LILRA2: variants seen among roughly 807,000 people sequenced by gnomAD.
The protein encoded by LILRA2 is leukocyte immunoglobulin like receptor A2.
In LILRA2, 45 loss-of-function variants were observed where a neutral mutation model predicts 47.9. The observed-to-expected ratio is 0.94, with a 90% CI of 0.74 to 1.20. The LOEUF is 1.20. LILRA2 is among the 50% of genes most tolerant of loss of function. LILRA2 has a pLI of 0.00. For synonymous variants in LILRA2, 279 were observed against 249.2 expected (o/e 1.12, Z -1.13); for missense variants, 651 against 598.2 (o/e 1.09, Z -0.92).
chr19:54,576,301 G>C (rs73936594), intron 6 of LILRA2, among the ~76,000 whole-genome samples, 192 bp downstream of exon 6: 447 of 137,330 alleles, frequency 3.3e-3, no homozygotes, highest in African/African-American at 0.012. Flanking sequence ...TCTCAGTAAA[G>C]AGCATGAAGG....
At chr19:54,583,777 G>A (rs2062714248) in intron 6 of LILRA2, among the ~76,000 whole-genome samples, 1 of 152,038 alleles carries the variant, frequency 6.6e-6, no homozygotes, top group Non-Finnish European at 1.5e-5. Context: ...TTACATTTAA[G>A]GTTAATACTG....
rs746164121 is a variant in LILRA2 at position 54,587,182 on chromosome 19, C to G, written c.1307-19C>G. 1.2e-6 allele frequency: 2 copies of G among 1,614,118 alleles called. No homozygotes were observed. Among genetic ancestry groups the G allele is most frequent in the Non-Finnish European group, 1.7e-6 (2 of 1,180,004 alleles). ...GGGTGATTCCGATCTGCCCTGACCT[C>G]TGTGACCTCTTTGTCCAGCATCCCT... On this transcript the variant is annotated intron_variant, in intron 7 of 7. Transcript: ENST00000391738.
At chr19:54,583,788 T>C (rs1342807986) in intron 6 of LILRA2, among the ~76,000 whole-genome samples, 1 of 152,210 alleles carries the variant, frequency 6.6e-6, no homozygotes, top group African/African-American at 2.4e-5. Flanking sequence ...GTTAATACTG[T>C]TATGTTTGAG....
Position 54,587,593 on chromosome 19 carries a change from TC to T in LILRA2, c.*250del. 1 of 649,680 alleles carries T rather than the reference TC, an allele frequency of 1.5e-6. No homozygotes were observed. Among genetic ancestry groups the T allele is most frequent in the Non-Finnish European group, 2.5e-6 (1 of 395,444 alleles). The allele number at this position is 649,680 out of a possible 1,614,324, so 40.2% of individuals were successfully genotyped here. ...TTCCCTTGACTGGATCCCCTTTTTTTCCCATCCCCAGACATGAGGCTCCATC... is the reference window on the plus strand; with the variant it reads ...TTCCCTTGACTGGATCCCCTTTTTTTCCATCCCCAGACATGAGGCTCCATC... On this transcript the variant is annotated 3_prime_UTR_variant, in exon 8 of 8. Transcript: ENST00000391738.
In LILRA2 at chr19:54,575,884, T is replaced by C. The variant is rs767641699; in HGVS notation, c.1030T>C (p.Cys344Arg). 6.2e-7 allele frequency: 1 copy of C among 1,613,716 alleles called. No individual in the cohort carries two copies. Among genetic ancestry groups the C allele is most frequent in the South Asian group, 1.1e-5 (1 of 91,064 alleles). Residue 344 changes from cysteine (C) to arginine (R), a missense_variant, in exon 6 of 8, where the codon TGT (cysteine) becomes CGT (arginine). By Grantham distance (180) the Cys-to-Arg change is radical (BLOSUM62 -3). Coordinates refer to ENST00000391738, the MANE Select transcript of LILRA2 (RefSeq NM_001130917.3). ...CCCAGGAAAGAACGTGACCCTGCTG[T>C]GTCAGTCACGGGGGCAGTTCCACAC... ...VAPGKNVTLL[C>R]QSRGQFHTFL...
At position 54,588,192 on chromosome 19, in the gene LILRA2, A is replaced by C. The variant is rs1350091114; in HGVS notation, c.*846A>C. 2.0e-5 allele frequency: 3 copies of C among 152,206 alleles called. No individual in the cohort carries two copies. The highest frequency in any genetic ancestry group is 2.0e-4 in the Admixed American group (3 of 15,286). The allele number at this position is 152,206 out of a possible 1,614,324, so 9.4% of individuals were successfully genotyped here. A position where few individuals can be genotyped will look rare whatever the true frequency, so the allele number is the denominator to read the frequency against. On this transcript the variant is annotated 3_prime_UTR_variant, in exon 8 of 8. Coordinates refer to ENST00000391738, the MANE Select transcript of LILRA2 (RefSeq NM_001130917.3). ...CCTTTCTATTTCAGAGGCAATGATCACTTCTACTTCAGTGTTATGGCACAG... is the reference window on the plus strand; with the variant it reads ...CCTTTCTATTTCAGAGGCAATGATCCCTTCTACTTCAGTGTTATGGCACAG...
At chr19:54,578,193 G>A (rs1016874244) in intron 6 of LILRA2, among the ~76,000 whole-genome samples, 8 of 151,660 alleles carry the variant, frequency 5.3e-5, no homozygotes, top group African/African-American at 1.5e-4. Flanking sequence ...GGTTTGTTAC[G>A]TAGGTATACA....
Position 54,588,058 on chromosome 19 carries a change from G to A in LILRA2, c.*712G>A, listed in dbSNP as rs192131216. ...CATGGCCCAAATCAAGGTGCCAATGGGTTCTCACTGAATACAGGGTTGGGA... is the reference window on the plus strand; with the variant it reads ...CATGGCCCAAATCAAGGTGCCAATGAGTTCTCACTGAATACAGGGTTGGGA... On this transcript the variant is annotated 3_prime_UTR_variant, in exon 8 of 8. Coordinates refer to ENST00000391738, the MANE Select transcript of LILRA2 (RefSeq NM_001130917.3). 3.6e-3 allele frequency: 550 copies of A among 152,436 alleles called. No individual in the cohort carries two copies. The South Asian group carries it at 0.072, about 20-fold the overall frequency. The allele number at this position is 152,436 out of a possible 1,614,324, so 9.4% of individuals were successfully genotyped here.
At chr19:54,574,613 G>A in intron 3 of LILRA2, 31 bp downstream of exon 3, 1 of 1,610,738 alleles carries the variant, frequency 6.2e-7, no homozygotes. Context: ...CCCAGCCCCA[G>A]GCTCTGCCCT....
intron 6 of LILRA2, among the ~76,000 whole-genome samples, chr19:54,583,769 A>C (rs928234953): frequency 3.3e-5 from 5 of 152,164 alleles, no homozygotes; most frequent in Non-Finnish European, 5.9e-5. Flanking sequence ...TAACCCATTT[A>C]CATTTAAGGT....
Position 54,588,402 on chromosome 19 carries a change from G to C in LILRA2, c.*1056G>C, listed in dbSNP as rs1441562757. On this transcript the variant is annotated 3_prime_UTR_variant, in exon 8 of 8. Transcript: ENST00000391738. ...GCAGATCACGAGGTCAGGAGATCTA[G>C]ACCATCCTGGCTAACATGGTGAAAC... 1 of 151,922 alleles carries C rather than the reference G, an allele frequency of 6.6e-6. No homozygotes were observed. Among genetic ancestry groups the C allele is most frequent in the Non-Finnish European group, 1.5e-5 (1 of 68,040 alleles). 9.4% of individuals were successfully genotyped at this position (151,922 alleles called of 1,614,324 possible).
chr19:54,576,395 C>T (rs185473838), intron 6 of LILRA2, among the ~76,000 whole-genome samples: 39 of 152,318 alleles, frequency 2.6e-4, no homozygotes, highest in South Asian at 4.1e-4. Context: ...AGACCCCACC[C>T]GCTCCCCTCC....
chr19:54,583,232 G>A (rs2146009060), intron 6 of LILRA2, among the ~76,000 whole-genome samples: 1 of 152,292 alleles, frequency 6.6e-6, no homozygotes, highest in East Asian at 1.9e-4. Flanking sequence ...GCAAAGTGAT[G>A]CTGAGAAGAA....
Position 54,575,495 on chromosome 19 carries a change from C to T in LILRA2, c.895C>T (p.His299Tyr), listed in dbSNP as rs748031724. ...GGGCCAGTACAGATGCTACAGTGCACACAACCTCTCCTCCGAGTGGTCGGC... is the reference window on the plus strand; with the variant it reads ...GGGCCAGTACAGATGCTACAGTGCATACAACCTCTCCTCCGAGTGGTCGGC... ...HGGQYRCYSA[H>Y]NLSSEWSAPS... The change falls in exon 5 of 8, where the codon CAC becomes TAC. Residue 299 changes from histidine (H) to tyrosine (Y), a missense_variant. Coordinates refer to ENST00000391738, the MANE Select transcript of LILRA2 (RefSeq NM_001130917.3). 1.7e-4 allele frequency: 280 copies of T among 1,612,362 alleles called. 1 individual carries two copies. Among genetic ancestry groups the T allele is most frequent in the Middle Eastern group, 1.1e-3 (6 of 5,316 alleles).
Position 54,577,203 on chromosome 19 carries a change from G to A in LILRA2, c.1255+1094G>A, listed in dbSNP as rs767171698. Among the ~76,000 whole-genome samples, 356 of 110,088 alleles carry A rather than the reference G, an allele frequency of 3.2e-3. No individual in the cohort carries two copies. The South Asian group carries it at 0.07, about 22-fold the overall frequency. 72.2% of individuals were successfully genotyped at this position (110,088 alleles called of 152,430 possible). On this transcript the variant is annotated intron_variant, in intron 6 of 7. Coordinates refer to ENST00000391738, the MANE Select transcript of LILRA2 (RefSeq NM_001130917.3). The stretch of plus-strand genomic sequence containing the variant: ...GCTGGTTGAGAGTCTCCCCTCTCTC[G>A]TGTACAAGAGAAAATGTCTCCAATT...
In LILRA2 at chr19:54,586,741, G is replaced by A. The variant is rs754576570; in HGVS notation, c.1256-269G>A. The stretch of plus-strand genomic sequence containing the variant: ...AGCACATAAGGTCCTGGTTATTTCT[G>A]TATTGGGGACCACTTACCATATCCA... On this transcript the variant is annotated intron_variant, in intron 6 of 7. Transcript: ENST00000391738. Among the ~76,000 whole-genome samples, 554 of 152,212 alleles carry A rather than the reference G, an allele frequency of 3.6e-3. No homozygotes were observed. In the South Asian group the frequency reaches 0.072, roughly 20 times the overall value.
intron 6 of LILRA2, among the ~76,000 whole-genome samples, chr19:54,586,562 A>G (rs2062814183): frequency 6.6e-6 from 1 of 152,022 alleles, no homozygotes; most frequent in Non-Finnish European, 1.5e-5. Context: ...CTGAGGTCCA[A>G]CCCCTCCTCC....
In LILRA2 at chr19:54,574,932, T is replaced by C; in HGVS notation, c.554T>C (p.Val185Ala). The C allele has an allele frequency of 6.2e-7, 1 of 1,614,278 alleles. No homozygotes were observed. The highest frequency in any genetic ancestry group is 1.7e-5 in the Admixed American group (1 of 60,032). ...TGGGCCATCTTCTCCGTGGGCCCCG[T>C]GAGCCCGAGTCGCAGGTGGTCGTAC... ...WSWAIFSVGP[V>A]SPSRRWSYRC... The change falls in exon 4 of 8, where the codon GTG (valine) becomes GCG (alanine). Residue 185 changes from valine (V) to alanine (A), a missense_variant. Physicochemically the swap from Val to Ala is moderately conservative, Grantham distance 64. Transcript: ENST00000391738.
In LILRA2 at chr19:54,576,597, G is replaced by A. The variant is rs1037435632; in HGVS notation, c.1255+488G>A. Among the ~76,000 whole-genome samples, 7 of 151,814 alleles carry A rather than the reference G, an allele frequency of 4.6e-5. No homozygotes were observed. The South Asian group carries it at 8.3e-4, about 18-fold the overall frequency. The stretch of plus-strand genomic sequence containing the variant: ...GGACAGTAAGGGTGTGGTCTGCGTG[G>A]CTTCCTGGGGCTTCAGGGATGGGGC... On this transcript the variant is annotated intron_variant, in intron 6 of 7. Transcript: ENST00000391738.
Sources: allele counts gnomAD v4.1 joint callset (sites outside exome capture counted in the v4.1 genomes callset), GRCh38; gene constraint gnomAD v4.1.1; transcripts MANE v1.5; gene names NCBI Gene and HGNC (gene_info 2026-07-23, HGNC 2026-07-21).